The following CLVS1 variants were observed in gnomAD, a reference collection of about 807,000 sequenced individuals.
CLVS1 encodes clavesin 1.
In CLVS1, 10 loss-of-function variants were observed where a neutral mutation model predicts 33.1. The observed-to-expected ratio is 0.30, with a 90% CI of 0.19 to 0.51. The LOEUF (loss-of-function observed/expected upper bound fraction) is 0.51. CLVS1 is among the 20% of genes least tolerant of loss of function. The probability of loss-of-function intolerance (pLI) is 0.97; values close to 1 mark genes in which losing one functional copy is unlikely to be tolerated. For missense variants in CLVS1, 343 were observed against 433.4 expected (o/e 0.79, Z 1.85); for synonymous variants, 163 against 166.1 (o/e 0.98, Z 0.14).
intron 2 of CLVS1, among the ~76,000 whole-genome samples, chr8:61,216,912 A>T (rs1355118339): frequency 6.6e-6 from 1 of 152,198 alleles, no homozygotes; most frequent in Non-Finnish European, 1.5e-5. Context: ...CATTATACAT[A>T]TATTTTCCTT....
chr8:61,145,387 G>A (rs773113700), intron 2 of CLVS1, among the ~76,000 whole-genome samples: 1 of 152,234 alleles, frequency 6.6e-6, no homozygotes, highest in Non-Finnish European at 1.5e-5. Flanking sequence ...AAATAAAAAC[G>A]TTGGGGTTGG....
At chr8:60,977,080 A>G in the CLVS1 span, among the ~76,000 whole-genome samples, 1 of 152,234 alleles carries the variant, frequency 6.6e-6, no homozygotes, top group Non-Finnish European at 1.5e-5. Context: ...CTGACTGCAG[A>G]GGCAATGGAG....
intron 2 of CLVS1, among the ~76,000 whole-genome samples, chr8:61,349,813 G>T (rs572979095): frequency 1.4e-4 from 21 of 152,194 alleles, no homozygotes; most frequent in African/African-American, 5.1e-4. Flanking sequence ...AGAAGGGATT[G>T]CTGGTTGGTA....
chr8:61,289,781 TCTGAGGAAAATTCATA>T (rs1442331670), intron 1 of CLVS1, among the ~76,000 whole-genome samples: 2 of 152,202 alleles, frequency 1.3e-5, no homozygotes, highest in Admixed American at 1.3e-4. Flanking sequence ...CGGAAGAAGT[TCTGAGGAAAATTCATA>T]CTTAAGTCTC....
intron 2 of CLVS1, among the ~76,000 whole-genome samples, chr8:61,307,751 A>C (rs911658585): frequency 1.3e-5 from 2 of 152,110 alleles, no homozygotes; most frequent in Non-Finnish European, 2.9e-5. Flanking sequence ...TATATTGTTT[A>C]GTAGCAAATT....
At chr8:60,982,548 C>A in the CLVS1 span, among the ~76,000 whole-genome samples, 6 of 152,226 alleles carry the variant, frequency 3.9e-5, no homozygotes, top group Admixed American at 2.6e-4. Flanking sequence ...TTGGTGAGAA[C>A]CTTTAGGTCA....
intron 1 of CLVS1, among the ~76,000 whole-genome samples, chr8:61,098,311 T>C (rs1249317508): frequency 1.3e-5 from 2 of 151,938 alleles, no homozygotes; most frequent in African/African-American, 2.4e-5. Flanking sequence ...AACTATGCAT[T>C]TACTCACAGT....
At chr8:60,971,860 G>A in the CLVS1 span, among the ~76,000 whole-genome samples, 7 of 150,248 alleles carry the variant, frequency 4.7e-5, no homozygotes, top group South Asian at 2.1e-4. Flanking sequence ...ACCTTCCCCC[G>A]TTTCTCTTTA....
chr8:61,265,292 ACT>A (rs1223423154), intron 2 of CLVS1, among the ~76,000 whole-genome samples: 1 of 138,340 alleles, frequency 7.2e-6, no homozygotes, highest in Non-Finnish European at 1.7e-5. Flanking sequence ...TTCATGCTGG[ACT>A]CTGCATGGAA....
chr8:61,370,484 G>A (rs1403581553), intron 2 of CLVS1: 1 of 152,176 alleles, frequency 6.6e-6, no homozygotes, highest in African/African-American at 2.4e-5. Context: ...CCGCCTCCTG[G>A]GTTCATGCCA....
intron 4 of CLVS1, among the ~76,000 whole-genome samples, chr8:61,454,463 C>T (rs1202982495): frequency 6.6e-6 from 1 of 152,054 alleles, no homozygotes; most frequent in Non-Finnish European, 1.5e-5. Context: ...GGGTTATTTT[C>T]GGAGTCCCAG....
intron 2 of CLVS1, among the ~76,000 whole-genome samples, chr8:61,273,078 A>C (rs1039412688): frequency 1.3e-4 from 19 of 150,354 alleles, no homozygotes; most frequent in African/African-American, 4.4e-4. Flanking sequence ...TGCTTTTTAG[A>C]GTTTCCAGTT....
At chr8:60,989,782 C>G in the CLVS1 span, among the ~76,000 whole-genome samples, 2 of 152,038 alleles carry the variant, frequency 1.3e-5, no homozygotes, top group African/African-American at 4.8e-5. Context: ...AGAATGTGGA[C>G]AGTGTTCAGG....
chr8:61,332,942 C>A (rs1811656116), intron 2 of CLVS1, among the ~76,000 whole-genome samples: 1 of 152,208 alleles, frequency 6.6e-6, no homozygotes, highest in African/African-American at 2.4e-5. Flanking sequence ...ACCTAAACTC[C>A]CAAGCTTCAT....
At chr8:61,051,922 G>A in the CLVS1 span, among the ~76,000 whole-genome samples, 1 of 152,226 alleles carries the variant, frequency 6.6e-6, no homozygotes, top group Non-Finnish European at 1.5e-5. Context: ...CATTTTTCCT[G>A]TTGCCCAGGC....
chr8:60,969,594 G>GA, the CLVS1 span, among the ~76,000 whole-genome samples: 2 of 152,120 alleles, frequency 1.3e-5, no homozygotes, highest in Non-Finnish European at 2.9e-5. Context: ...GTTTCTCTGG[G>GA]ATCCCCTTGG....
intron 2 of CLVS1, among the ~76,000 whole-genome samples, chr8:61,139,717 G>T (rs937081437): frequency 5.9e-5 from 9 of 152,162 alleles, no homozygotes; most frequent in African/African-American, 2.2e-4. Flanking sequence ...CTCGGTGGTC[G>T]GGGTCCGCTT....
At chr8:61,233,655 C>G (rs1245684543) in intron 2 of CLVS1, among the ~76,000 whole-genome samples, 1 of 152,270 alleles carries the variant, frequency 6.6e-6, no homozygotes. Context: ...AGCCATGTCT[C>G]TGGGCTGGTG....
At chr8:61,207,014 T>G (rs1210719526) in intron 2 of CLVS1, among the ~76,000 whole-genome samples, 2 of 152,240 alleles carry the variant, frequency 1.3e-5, no homozygotes, top group African/African-American at 2.4e-5. Context: ...GGCCCATCTC[T>G]ATCAGTCAGG....
Sources: allele counts gnomAD v4.1 joint callset (sites outside exome capture counted in the v4.1 genomes callset), GRCh38; gene constraint gnomAD v4.1.1; transcripts MANE v1.5; gene names NCBI Gene and HGNC (gene_info 2026-07-23, HGNC 2026-07-21).